The following THSD4 variants were observed in gnomAD, a reference collection of about 807,000 sequenced individuals.
The protein encoded by THSD4 is thrombospondin type-1 domain-containing protein 4.
In THSD4, 69 loss-of-function variants were observed where a neutral mutation model predicts 119.0. The observed-to-expected ratio is 0.58, with a 90% CI of 0.48 to 0.71. THSD4 has a LOEUF of 0.71. THSD4 is among the 30% of genes least tolerant of loss of function. THSD4 has a pLI of 0.00. For synonymous variants in THSD4, 524 were observed against 540.4 expected (o/e 0.97, Z 0.42); for missense variants, 1,393 against 1,391.1 (o/e 1.00, Z -0.02).
chr15:71,713,614 G>A lies in THSD4; in HGVS notation c.1358-14935G>A, dbSNP rs56693445. On this transcript the variant is annotated intron_variant, in intron 8 of 17. Transcript: ENST00000261862. The stretch of plus-strand genomic sequence containing the variant: ...CCCCTCCCATCGCCATGACAACCAG[G>A]GTATCATTAGGGAGGAATCAGATGA... Among the ~76,000 whole-genome samples, 364 of 152,136 alleles carry A rather than the reference G, an allele frequency of 2.4e-3. 2 individuals carry two copies. Among genetic ancestry groups the A allele is most frequent in the African/African-American group, 8.4e-3 (349 of 41,498 alleles).
intron 6 of THSD4, among the ~76,000 whole-genome samples, chr15:71,257,432 G>C (rs908462971): frequency 2.6e-5 from 4 of 152,150 alleles, no homozygotes; most frequent in Non-Finnish European, 5.9e-5. Flanking sequence ...TCACAGCCAA[G>C]TTGGCTGGAG....
intron 7 of THSD4, among the ~76,000 whole-genome samples, chr15:71,609,905 G>A (rs938279955): frequency 9.2e-5 from 14 of 151,638 alleles, no homozygotes; most frequent in Non-Finnish European, 1.3e-4. Flanking sequence ...GAACTACCAT[G>A]TATTGAGGGC....
rs34295616 is a variant in THSD4, at chr15:71,699,210, C to CTTTT, written c.1358-29322_1358-29319dup. 4.7e-4 allele frequency among the ~76,000 whole-genome samples: 34 copies of CTTTT among 72,996 alleles called. 7 individuals are homozygous for CTTTT. In the East Asian group the frequency reaches 0.011, roughly 24 times the overall value. 47.9% of individuals were successfully genotyped at this position (72,996 alleles called of 152,430 possible). ...AGGTGTATACATTAAATAGCTACAG[C>CTTTT]TTTTTTTTTTTTTTTTTTTTGAGAC... On this transcript the variant is annotated intron_variant, in intron 8 of 17. Transcript: ENST00000261862.
In THSD4 at chr15:71,359,828, C is replaced by T. The variant is rs184530135; in HGVS notation, c.1016-51859C>T. Among the ~76,000 whole-genome samples the T allele has an allele frequency of 4.1e-4, 62 of 150,712 alleles. 1 individual carries two copies. The East Asian group carries it at 0.012, about 28-fold the overall frequency. ...TCAAGCCTGGGTGACAGAGCAAGAC[C>T]CTGTCTCAAAAACAAGCAAACAAAA... On this transcript the variant is annotated intron_variant, in intron 6 of 17. Transcript: ENST00000261862.
intron 17 of THSD4, among the ~76,000 whole-genome samples, chr15:71,776,168 G>C (rs536351491): frequency 5.3e-5 from 8 of 151,964 alleles, no homozygotes; most frequent in African/African-American, 9.7e-5. Flanking sequence ...AGTACAGAAG[G>C]GTTTTTTAAA....
chr15:71,339,629 TTGAGA>T (rs1445770147), intron 6 of THSD4, among the ~76,000 whole-genome samples: 1 of 152,148 alleles, frequency 6.6e-6, no homozygotes, highest in Non-Finnish European at 1.5e-5. Context: ...CTGTCATAAC[TTGAGA>T]TAAGTTCTTA....
chr15:71,570,509 C>A (rs559432346), intron 7 of THSD4, among the ~76,000 whole-genome samples: 2 of 151,834 alleles, frequency 1.3e-5, no homozygotes, highest in Non-Finnish European at 2.9e-5. Context: ...TGGGTTCAAG[C>A]GATTCTCCTG....
rs1018796048 is a variant in THSD4 at position 71,699,442 on chromosome 15, C to CT, written c.1358-29101dup. Among the ~76,000 whole-genome samples, 6 of 151,974 alleles carry CT rather than the reference C, an allele frequency of 3.9e-5. 2 individuals are homozygous for CT. The highest frequency in any genetic ancestry group is 3.9e-4 in the Admixed American group (6 of 15,266). ...TTTAGCCGGGATGGTCTCGATCCAGCTTTTTTAATGTCAATTATACCTCAA... is the reference window on the plus strand; with the variant it reads ...TTTAGCCGGGATGGTCTCGATCCAGCTTTTTTTAATGTCAATTATACCTCAA... On this transcript the variant is annotated intron_variant, in intron 8 of 17. Coordinates refer to ENST00000261862, the MANE Select transcript of THSD4 (RefSeq NM_024817.3).
At chr15:71,464,306 G>A (rs755215490) in intron 7 of THSD4, among the ~76,000 whole-genome samples, 5 of 152,304 alleles carry the variant, frequency 3.3e-5, no homozygotes, top group East Asian at 1.9e-4. Flanking sequence ...TTAGAAAGGC[G>A]GTGGGTGGCC....
intron 6 of THSD4, 151 bp from the exon 7 acceptor site, chr15:71,411,536 T>A (rs776505541): frequency 6.7e-6 from 5 of 751,336 alleles, no homozygotes; most frequent in Non-Finnish European, 1.0e-5. Context: ...CGAAGACTTA[T>A]TGAACTGTAT....
intron 6 of THSD4, among the ~76,000 whole-genome samples, chr15:71,303,679 G>T (rs1253621632): frequency 6.6e-6 from 1 of 152,088 alleles, no homozygotes; most frequent in Non-Finnish European, 1.5e-5. Flanking sequence ...CTCTCTAGGT[G>T]GTACCTCCTT....
At chr15:71,462,632 C>G (rs1453819418) in intron 7 of THSD4, among the ~76,000 whole-genome samples, 4 of 152,180 alleles carry the variant, frequency 2.6e-5, no homozygotes, top group Admixed American at 1.3e-4. Context: ...ATCTTCTGAC[C>G]ATTGACCCTT....
At chr15:71,270,906 G>T (rs1438295564) in intron 6 of THSD4, among the ~76,000 whole-genome samples, 1 of 151,440 alleles carries the variant, frequency 6.6e-6, no homozygotes, top group African/African-American at 2.4e-5. Context: ...GGAAAGGTTT[G>T]TCTAGAATGA....
At chr15:71,319,903 C>T (rs184786722) in intron 6 of THSD4, among the ~76,000 whole-genome samples, 115 of 152,270 alleles carry the variant, frequency 7.6e-4, no homozygotes, top group African/African-American at 2.7e-3. Context: ...TTCTTTATTA[C>T]AGGAGTTCTC....
intron 7 of THSD4, among the ~76,000 whole-genome samples, chr15:71,639,260 A>G (rs867280118): frequency 2.6e-5 from 4 of 152,234 alleles, no homozygotes; most frequent in African/African-American, 9.6e-5. Flanking sequence ...ACTTTCATCA[A>G]TTTGTAAACT....
At chr15:71,282,011 T>C (rs1242453745) in intron 6 of THSD4, among the ~76,000 whole-genome samples, 1 of 152,212 alleles carries the variant, frequency 6.6e-6, no homozygotes, top group Non-Finnish European at 1.5e-5. Flanking sequence ...ATAATAGTAG[T>C]ATCCCCCTCA....
chr15:71,396,325 C>T (rs183003067), intron 6 of THSD4, among the ~76,000 whole-genome samples: 6 of 152,240 alleles, frequency 3.9e-5, no homozygotes, highest in East Asian at 1.9e-4. Flanking sequence ...CATACCTATA[C>T]GTATACATAC....
Position 71,141,446 on chromosome 15 carries a change from T to C in THSD4, c.-79-3T>C, listed in dbSNP as rs1215536198. ...CTAAAAATAACATTGTTCATTTCCA[T>C]AGGACTTGAACGCAACTCCCAATTG... On this transcript the variant is annotated splice_region_variant and splice_polypyrimidine_tract_variant and intron_variant, in intron 1 of 17. Transcript: ENST00000261862. The C allele has an allele frequency of 5.0e-6, 7 of 1,389,106 alleles. No individual in the cohort carries two copies. The highest frequency in any genetic ancestry group is 4.9e-6 in the Non-Finnish European group (5 of 1,015,404). The allele number at this position is 1,389,106 out of a possible 1,614,324, so 86.0% of individuals were successfully genotyped here. A position where few individuals can be genotyped will look rare whatever the true frequency, so the allele number is the denominator to read the frequency against.
intron 6 of THSD4, among the ~76,000 whole-genome samples, chr15:71,359,388 G>T (rs376400779): frequency 2.0e-5 from 3 of 152,120 alleles, no homozygotes; most frequent in African/African-American, 7.2e-5. Context: ...TATCTCATTG[G>T]TTTTCACAGT....
Sources: gnomAD v4.1 joint callset for allele counts (sites outside exome capture counted in the v4.1 genomes callset) on GRCh38, gnomAD v4.1.1 for gene constraint, MANE v1.5 for transcripts, NCBI Gene and HGNC (gene_info 2026-07-23, HGNC 2026-07-21) for gene names.